Variants in STK32B observed in about 807,000 individuals in gnomAD.
STK32B encodes serine/threonine kinase 32B, also known as serine/threonine-protein kinase 32B.
STK32B carries 43 observed loss-of-function variants against 52.6 expected under a neutral mutation model. The ratio of observed to expected loss-of-function variants is 0.82; its 90% CI spans 0.64 to 1.05. The LOEUF is 1.05. Ranked by LOEUF, STK32B falls within the 50% of genes least tolerant of loss-of-function variation. The pLI is 0.00. For missense variants in STK32B, 621 were observed against 534.6 expected (o/e 1.16, Z -1.59); for synonymous variants, 238 against 204.3 (o/e 1.17, Z -1.41).
intron 3 of STK32B, among the ~76,000 whole-genome samples, chr4:5,299,942 A>G (rs1184687409): frequency 6.6e-6 from 1 of 152,170 alleles, no homozygotes; most frequent in Admixed American, 6.6e-5. Context: ...CATTCTATGA[A>G]ACTAGTATCA....
In STK32B at chr4:5,324,323, C is replaced by A. The variant is rs552676420; in HGVS notation, c.261-6897C>A. On this transcript the variant is annotated intron_variant, in intron 3 of 11. Coordinates refer to ENST00000282908, the MANE Select transcript of STK32B (RefSeq NM_018401.3). ...GAGCCAAGATTGCACCACTGCACCC[C>A]AGCCTGGGCAACAGAGGGAGACTCC... Among the ~76,000 whole-genome samples the A allele has an allele frequency of 1.2e-4, 19 of 152,224 alleles. No homozygotes were observed. The South Asian group carries it at 3.9e-3, about 32-fold the overall frequency.
Position 5,499,580 on chromosome 4 carries a change from G to GAAAC in STK32B, c.*500_*503dup, listed in dbSNP as rs1337895896. On this transcript the variant is annotated 3_prime_UTR_variant, in exon 12 of 12. Transcript: ENST00000282908. ...GTCTGATATGTTGGCCCCTTCTATG[G>GAAAC]AAACAACGCTGCCAAATCCTGGAGC... 1 of 152,556 alleles carries GAAAC rather than the reference G, an allele frequency of 6.6e-6. No individual in the cohort carries two copies. Among genetic ancestry groups the GAAAC allele is most frequent in the Non-Finnish European group, 1.5e-5 (1 of 68,344 alleles). 9.5% of individuals were successfully genotyped at this position (152,556 alleles called of 1,614,324 possible). A position where few individuals can be genotyped will look rare whatever the true frequency, so the allele number is the denominator to read the frequency against.
Position 5,456,815 on chromosome 4 carries a change from C to A in STK32B, c.675C>A (p.Tyr225Ter). ...AYELLRGWRP[Y>*]EIHSVTPIDE... ...TTGTTCTTTGATTGCAGAGGCCGTA[C>A]GAAATCCACTCGGTCACGCCCATCG... The change falls in exon 8 of 12, where the codon TAC becomes TAA. Residue 225 changes from tyrosine to a stop codon, truncating the protein, a stop_gained. Transcript: ENST00000282908. LOFTEE classifies it high-confidence loss of function. 6.3e-7 allele frequency: 1 copy of A among 1,580,712 alleles called. No individual in the cohort carries two copies.
chr4:5,444,463 C>A (rs1419985960), intron 6 of STK32B, among the ~76,000 whole-genome samples: 2 of 152,184 alleles, frequency 1.3e-5, no homozygotes, highest in Admixed American at 1.3e-4. Context: ...CTTTGGCTCG[C>A]GCACTGTGCG....
chr4:5,186,598 A>G (rs1301832905), intron 3 of STK32B, among the ~76,000 whole-genome samples: 1 of 151,990 alleles, frequency 6.6e-6, no homozygotes, highest in Non-Finnish European at 1.5e-5. Flanking sequence ...GATTTCAAAC[A>G]CCCACCATGC....
intron 2 of STK32B, among the ~76,000 whole-genome samples, chr4:5,163,054 G>C (rs66471422): frequency 0.26 from 39,611 of 152,116 alleles, 5,377 homozygotes; most frequent in East Asian, 0.34. Context: ...ATGATAGACC[G>C]AGCATGTATG....
chr4:5,456,880 ACTC>A lies in STK32B; in HGVS notation c.745_747del (p.Ser249del), dbSNP rs763495745. The A allele has an allele frequency of 1.8e-5, 28 of 1,589,656 alleles. No homozygotes were observed. Among genetic ancestry groups the A allele is most frequent in the Non-Finnish European group, 2.2e-5 (26 of 1,166,952 alleles). ...ATGTTCAAGGTGGAGCGTGTCCACT[ACTC>A]CTCCACGTGGTGCAAGGGGATGGTG... On this transcript the variant is annotated inframe_deletion, in exon 8 of 12. Transcript: ENST00000282908.
chr4:5,375,301 C>T (rs780927866), intron 4 of STK32B, among the ~76,000 whole-genome samples: 1 of 152,192 alleles, frequency 6.6e-6, no homozygotes, highest in Non-Finnish European at 1.5e-5. Flanking sequence ...ACAGCCTGCT[C>T]CTAGAGCCCC....
At chr4:5,377,551 T>A (rs1735660538) in intron 4 of STK32B, among the ~76,000 whole-genome samples, 1 of 152,228 alleles carries the variant, frequency 6.6e-6, no homozygotes, top group African/African-American at 2.4e-5. Context: ...CCACAAAAGA[T>A]ATCCAGTGAT....
At chr4:5,300,272 G>T (rs1206893398) in intron 3 of STK32B, among the ~76,000 whole-genome samples, 1 of 152,042 alleles carries the variant, frequency 6.6e-6, no homozygotes, top group Non-Finnish European at 1.5e-5. Flanking sequence ...GCCATTGAAA[G>T]AACACACCTC....
At chr4:5,096,073 A>G (rs1713371943) in intron 1 of STK32B, among the ~76,000 whole-genome samples, 1 of 152,328 alleles carries the variant, frequency 6.6e-6, no homozygotes, top group African/African-American at 2.4e-5. Flanking sequence ...TTAGAGAAAT[A>G]TTTTTCTACA....
chr4:5,040,470 T>C, the STK32B span, among the ~76,000 whole-genome samples: 2 of 148,730 alleles, frequency 1.3e-5, no homozygotes, highest in South Asian at 2.2e-4. Context: ...CTTGGCTCAC[T>C]GCAACCTCCG....
chr4:5,490,992 G>T (rs1488196213), intron 11 of STK32B, among the ~76,000 whole-genome samples: 1 of 152,168 alleles, frequency 6.6e-6, no homozygotes, highest in South Asian at 2.1e-4. Context: ...ATTTGGGTTG[G>T]TTCTAAGTCT....
In STK32B at chr4:5,114,467, T is replaced by G. The variant is rs144987505; in HGVS notation, c.53-25438T>G. On this transcript the variant is annotated intron_variant, in intron 1 of 11. Transcript: ENST00000282908. Reference sequence around the variant, plus strand: ...TTCTATCACGCTCACCAAAGACAGATGATGTCTGTCTTATTTCTCCTGGTG... The same window carrying G: ...TTCTATCACGCTCACCAAAGACAGAGGATGTCTGTCTTATTTCTCCTGGTG... Among the ~76,000 whole-genome samples, 937 of 152,096 alleles carry G rather than the reference T, an allele frequency of 6.2e-3. 11 individuals are homozygous for G. Among genetic ancestry groups the G allele is most frequent in the African/African-American group, 0.022 (899 of 41,488 alleles).
intron 1 of STK32B, among the ~76,000 whole-genome samples, chr4:5,130,965 G>T (rs965591497): frequency 3.9e-5 from 6 of 152,076 alleles, no homozygotes; most frequent in African/African-American, 1.2e-4. Flanking sequence ...TTCCCTGATG[G>T]TCCCAAGAGG....
chr4:5,063,983 AT>A (rs1444359429), intron 1 of STK32B, among the ~76,000 whole-genome samples: 4 of 151,970 alleles, frequency 2.6e-5, no homozygotes, highest in African/African-American at 7.3e-5. Context: ...AACTTTGTTA[AT>A]TTTTTAATTA....
intron 3 of STK32B, among the ~76,000 whole-genome samples, chr4:5,226,811 C>A (rs1415260973): frequency 6.6e-6 from 1 of 152,058 alleles, no homozygotes; most frequent in Non-Finnish European, 1.5e-5. Flanking sequence ...AGAAAGAAAC[C>A]TGGTTATATA....
chr4:5,025,997 A>G, the STK32B span, among the ~76,000 whole-genome samples: 1 of 152,130 alleles, frequency 6.6e-6, no homozygotes, highest in African/African-American at 2.4e-5. Flanking sequence ...ACCTCTCTTA[A>G]GCCGCCTCCC....
rs1194033166 is a variant in STK32B at position 5,500,309 on chromosome 4, G to A, written c.*1226G>A. 1 of 152,144 alleles carries A rather than the reference G, an allele frequency of 6.6e-6. No individual in the cohort carries two copies. Among genetic ancestry groups the A allele is most frequent in the African/African-American group, 2.4e-5 (1 of 41,428 alleles). 9.4% of individuals were successfully genotyped at this position (152,144 alleles called of 1,614,324 possible). ...GGGATAATAAAACTAATATTGCAGG[G>A]GAGTTACAGGGTTAAATAAGATCCT... On this transcript the variant is annotated 3_prime_UTR_variant, in exon 12 of 12. Coordinates refer to ENST00000282908, the MANE Select transcript of STK32B (RefSeq NM_018401.3).
Sources: allele counts gnomAD v4.1 joint callset (sites outside exome capture counted in the v4.1 genomes callset), GRCh38; gene constraint gnomAD v4.1.1; transcripts MANE v1.5; gene names NCBI Gene and HGNC (gene_info 2026-07-23, HGNC 2026-07-21).